The following JMJD1C variants were observed in gnomAD, a reference collection of about 807,000 sequenced individuals.
The protein encoded by JMJD1C is jumonji domain-containing protein 1C.
JMJD1C carries 31 observed loss-of-function variants against 245.3 expected under a neutral mutation model. The ratio of observed to expected loss-of-function variants is 0.13; its 90% CI spans 0.09 to 0.17. JMJD1C has a LOEUF of 0.17. Ranked by LOEUF, JMJD1C falls within the 10% of genes least tolerant of loss-of-function variation. JMJD1C has a pLI of 1.00. For missense variants in JMJD1C, 2,691 were observed against 3,000.2 expected, an observed-to-expected ratio of 0.90 and a Z score of 2.41; for synonymous variants, 1,057 against 1,017.4, an observed-to-expected ratio of 1.04 and a Z score of -0.74.
intron 24 of JMJD1C, among the ~76,000 whole-genome samples, chr10:63,174,371 T>C (rs1238779007): frequency 6.6e-6 from 1 of 152,052 alleles, no homozygotes; most frequent in Admixed American, 6.6e-5. Context: ...AAGAATCAAC[T>C]GATAAATACA....
intron 2 of JMJD1C, among the ~76,000 whole-genome samples, chr10:63,267,613 A>T (rs905696731): frequency 6.6e-6 from 1 of 152,340 alleles, no homozygotes; most frequent in Non-Finnish European, 1.5e-5. Flanking sequence ...TGAAAGTCAC[A>T]GTAGAATATG....
intron 8 of JMJD1C, among the ~76,000 whole-genome samples, chr10:63,211,125 T>C (rs1847265556): frequency 6.6e-6 from 1 of 152,328 alleles, no homozygotes; most frequent in South Asian, 2.1e-4. Flanking sequence ...GTAGACCTTA[T>C]GCAAGATGCA....
chr10:63,404,464 A>G (rs1949055714), intron 1 of JMJD1C, among the ~76,000 whole-genome samples: 1 of 152,124 alleles, frequency 6.6e-6, no homozygotes, highest in Non-Finnish European at 1.5e-5. Flanking sequence ...GGCAGGCCTT[A>G]AACTCCTGAA....
intron 2 of JMJD1C, chr10:63,358,715 G>T (rs1945075824): frequency 6.6e-6 from 1 of 152,050 alleles, no homozygotes; most frequent in African/African-American, 2.4e-5. Flanking sequence ...AGTGGGGTGG[G>T]GTCCCCAGGT....
At chr10:63,382,827 T>A (rs762456496) in intron 1 of JMJD1C, 1 of 455,932 alleles carries the variant, frequency 2.2e-6, no homozygotes. Context: ...TTCCACTTAT[T>A]TGAATCATGG....
Position 63,294,255 on chromosome 10 carries a change from GT to G in JMJD1C, c.334-29492del, listed in dbSNP as rs535220557. Among the ~76,000 whole-genome samples, 1,403 of 149,020 alleles carry G rather than the reference GT, an allele frequency of 9.4e-3. 9 individuals carry two copies. The highest frequency in any genetic ancestry group is 0.016 in the Non-Finnish European group (1,081 of 67,082). On this transcript the variant is annotated intron_variant, in intron 2 of 25. Transcript: ENST00000399262. The stretch of plus-strand genomic sequence containing the variant: ...ATTCTCGTCTAATTTAGCTCAAGAT[GT>G]TTCCCTTTATCTGTTCAGTTCAATC...
intron 17 of JMJD1C, 67 bp downstream of exon 17, chr10:63,190,827 A>G (rs2132974714): frequency 7.5e-7 from 1 of 1,326,624 alleles, no homozygotes; most frequent in South Asian, 1.2e-5. Flanking sequence ...TTCAGAGCCA[A>G]AAACTAAGTC....
chr10:63,208,789 T>C lies in JMJD1C; in HGVS notation c.2880A>G (p.Arg960=). 6.4e-7 allele frequency: 1 copy of C among 1,571,010 alleles called. No individual in the cohort carries two copies. The highest frequency in any genetic ancestry group is 8.6e-7 in the Non-Finnish European group (1 of 1,164,882). ...LVDHHKEELE[R]KAFMEPLRSV... ...ACCGTAATGGTTCCATAAAAGCTTT[T>C]CTTTCTAATTCTCTGTAAAGAAAAT... The change falls in exon 10 of 26, where the codon AGA becomes AGG. Residue 960 remains arginine (R), a synonymous_variant. Transcript: ENST00000399262.
intron 2 of JMJD1C, chr10:63,269,352 C>T: frequency 3.5e-6 from 1 of 286,806 alleles, no homozygotes; most frequent in Non-Finnish European, 5.2e-6. Flanking sequence ...ACTCATTTGG[C>T]TGCGGCCATA....
At position 63,213,608 on chromosome 10, in the gene JMJD1C, T is replaced by C. The variant is rs1022931959; in HGVS notation, c.2559A>G (p.Ser853=). The change falls in exon 8 of 26, where the codon TCA becomes TCG. Residue 853 remains serine (S), a synonymous_variant. Transcript: ENST00000399262. Reference sequence around the variant, plus strand: ...TTGGATAAAGTCCAAGCTGATTATATGAAGCAGAAGGATGGGCTTGTCCAA... The same window carrying C: ...TTGGATAAAGTCCAAGCTGATTATACGAAGCAGAAGGATGGGCTTGTCCAA... ...HLLGQAHPSA[S]YNQLGLYPII... 3 of 1,614,074 alleles carry C rather than the reference T, an allele frequency of 1.9e-6. No homozygotes were observed. The highest frequency in any genetic ancestry group is 2.7e-5 in the African/African-American group (2 of 74,946).
chr10:63,189,074 TC>T lies in JMJD1C; in HGVS notation c.6570+93del, dbSNP rs892079641. The T allele has an allele frequency of 4.0e-5, 42 of 1,041,634 alleles. No homozygotes were observed. The South Asian group carries it at 5.3e-4, about 13-fold the overall frequency. The allele number at this position is 1,041,634 out of a possible 1,614,324, so 64.5% of individuals were successfully genotyped here. A position where few individuals can be genotyped will look rare whatever the true frequency, so the allele number is the denominator to read the frequency against. On this transcript the variant is annotated intron_variant, in intron 18 of 25. Coordinates refer to ENST00000399262, the MANE Select transcript of JMJD1C (RefSeq NM_032776.3). ...CCCCAAATGTGTTAACCACTATTTTTCCCCCCTCCATTTCTATTCCTAAGGA... is the reference window on the plus strand; with the variant it reads ...CCCCAAATGTGTTAACCACTATTTTTCCCCCTCCATTTCTATTCCTAAGGA...
At chr10:63,242,766 A>G (rs1213306516) in intron 3 of JMJD1C, among the ~76,000 whole-genome samples, 1 of 152,024 alleles carries the variant, frequency 6.6e-6, no homozygotes, top group Non-Finnish European at 1.5e-5. Context: ...GTCTCTTGAA[A>G]GCACACAGAA....
intron 1 of JMJD1C, among the ~76,000 whole-genome samples, chr10:63,381,323 T>C (rs774223743): frequency 8.6e-5 from 13 of 151,976 alleles, no homozygotes; most frequent in East Asian, 1.9e-4. Context: ...CTTGGCAACA[T>C]AGTGAGACTC....
At chr10:63,398,509 G>A (rs769952658) in intron 1 of JMJD1C, among the ~76,000 whole-genome samples, 2 of 152,048 alleles carry the variant, frequency 1.3e-5, no homozygotes, top group Non-Finnish European at 2.9e-5. Context: ...TTCATCAAGA[G>A]GCACATATGT....
intron 1 of JMJD1C, among the ~76,000 whole-genome samples, chr10:63,397,147 C>T (rs1242488881): frequency 6.6e-6 from 1 of 152,144 alleles, no homozygotes; most frequent in Non-Finnish European, 1.5e-5. Context: ...CACTATAGTG[C>T]TTACATTTAA....
intron 2 of JMJD1C, among the ~76,000 whole-genome samples, chr10:63,340,525 A>T (rs977831175): frequency 3.9e-5 from 6 of 152,214 alleles, no homozygotes; most frequent in Non-Finnish European, 7.3e-5. Flanking sequence ...AAAAGAGAGA[A>T]GGCATTTATG....
chr10:63,459,854 CA>C (rs748165962), intron 1 of JMJD1C, among the ~76,000 whole-genome samples: 284 of 152,264 alleles, frequency 1.9e-3, no homozygotes, highest in Middle Eastern at 3.4e-3. Context: ...ATGAAAACTC[CA>C]TAAGAGAAAA....
At chr10:63,442,537 A>C (rs757082401) in intron 1 of JMJD1C, among the ~76,000 whole-genome samples, 19 of 152,370 alleles carry the variant, frequency 1.2e-4, no homozygotes, top group Non-Finnish European at 2.1e-4. Context: ...TGCATAAAAT[A>C]AATGCATTAT....
intron 24 of JMJD1C, 68 bp downstream of exon 24, chr10:63,176,229 G>C: frequency 8.5e-7 from 1 of 1,179,378 alleles, no homozygotes; most frequent in Non-Finnish European, 1.2e-6. Context: ...TATACTAAGA[G>C]CAATTTTTTT....
Sources: allele counts gnomAD v4.1 joint callset (sites outside exome capture counted in the v4.1 genomes callset), GRCh38; gene constraint gnomAD v4.1.1; transcripts MANE v1.5; gene names NCBI Gene and HGNC (gene_info 2026-07-23, HGNC 2026-07-21).